The following TRAK2 variants were observed in gnomAD, a reference collection of about 807,000 sequenced individuals.
TRAK2 encodes the protein trafficking kinesin-binding protein 2.
A neutral mutation model predicts 104.6 loss-of-function variants in TRAK2; 81 were observed. The observed-to-expected ratio is 0.77, with a 90% CI of 0.65 to 0.93. The LOEUF is 0.93. TRAK2 is among the 40% of genes least tolerant of loss of function. The probability of loss-of-function intolerance (pLI) is 0.00; values close to 1 mark genes in which losing one functional copy is unlikely to be tolerated. For missense variants in TRAK2, 1,002 were observed against 1,089.0 expected, an observed-to-expected ratio of 0.92 and a Z score of 1.12; for synonymous variants, 406 against 394.4, an observed-to-expected ratio of 1.03 and a Z score of -0.35.
chr2:201,439,923 G>A (rs1247454650), intron 1 of TRAK2, among the ~76,000 whole-genome samples: 1 of 125,996 alleles, frequency 7.9e-6, no homozygotes, highest in Non-Finnish European at 1.6e-5. Flanking sequence ...ATCACACTCT[G>A]GGGACTGTTG....
rs751604627 is a variant in TRAK2 at position 201,380,917 on chromosome 2, G to A, written c.2371C>T (p.Pro791Ser). 3.7e-6 allele frequency: 6 copies of A among 1,614,160 alleles called. No homozygotes were observed. In the South Asian group the frequency reaches 6.6e-5, roughly 18 times the overall value. The change falls in exon 16 of 16, where the codon CCC (proline) becomes TCC (serine). Residue 791 changes from proline to serine, a missense_variant. Pro to Ser is a moderately conservative substitution (Grantham distance 74). Transcript: ENST00000332624. ...GAGAGATGCACTCGAGGCTCAAAGG[G>A]TAAAGGAGAAGGGCAAGGTGAGTGA... The part of the protein sequence containing the change: ...PSHSPCPSPL[P>S]FEPRVHLSEN...
intron 1 of TRAK2, among the ~76,000 whole-genome samples, chr2:201,446,206 A>G (rs923518955): frequency 6.6e-6 from 1 of 152,060 alleles, no homozygotes; most frequent in Non-Finnish European, 1.5e-5. Flanking sequence ...ATCTTCCCCA[A>G]CCACACAACA....
chr2:201,410,133 G>A (rs945893669), intron 2 of TRAK2, among the ~76,000 whole-genome samples: 40 of 152,012 alleles, frequency 2.6e-4, no homozygotes, highest in African/African-American at 8.9e-4. Flanking sequence ...CTGTCTCTAC[G>A]AGAAACACAC....
intron 1 of TRAK2, among the ~76,000 whole-genome samples, chr2:201,430,830 A>G (rs2125658872): frequency 6.6e-6 from 1 of 152,316 alleles, no homozygotes; most frequent in Admixed American, 6.5e-5. Flanking sequence ...GGCTGCACCC[A>G]CTGTCCAACA....
intron 10 of TRAK2, among the ~76,000 whole-genome samples, chr2:201,392,207 G>A (rs1249058418): frequency 6.6e-6 from 1 of 151,570 alleles, no homozygotes; most frequent in African/African-American, 2.4e-5. Flanking sequence ...TCGATGTGAG[G>A]GATATACAAA....
intron 14 of TRAK2, among the ~76,000 whole-genome samples, chr2:201,385,483 T>C (rs1300904907): frequency 6.6e-6 from 1 of 152,068 alleles, no homozygotes; most frequent in Admixed American, 6.6e-5. Flanking sequence ...GCCTGACCAA[T>C]GCATTTTAAT....
Position 201,386,230 on chromosome 2 carries a change from C to CACCTGCTG in TRAK2, c.1943_1950dup (p.Gly651GlnfsTer63), listed in dbSNP as rs777199208. 1 of 1,614,118 alleles carries CACCTGCTG rather than the reference C, an allele frequency of 6.2e-7. No individual in the cohort carries two copies. Among genetic ancestry groups the CACCTGCTG allele is most frequent in the South Asian group, 1.1e-5 (1 of 91,080 alleles). ...ACACTCTTCTCACCTGTAACTGGTCCACCTGCTGAAGTAATGGGTGGCAGG... is the reference window on the plus strand; with the variant it reads ...ACACTCTTCTCACCTGTAACTGGTCCACCTGCTGACCTGCTGAAGTAATGGGTGGCAGG... On this transcript the variant is annotated frameshift_variant, in exon 14 of 16. Transcript: ENST00000332624. LOFTEE classifies it high-confidence loss of function.
intron 14 of TRAK2, among the ~76,000 whole-genome samples, chr2:201,384,852 GA>G: frequency 6.6e-6 from 1 of 152,142 alleles, no homozygotes; most frequent in Non-Finnish European, 1.5e-5. Flanking sequence ...TCTGTGTGAT[GA>G]AAAATGGGAA....
chr2:201,380,940 T>A lies in TRAK2; in HGVS notation c.2348A>T (p.His783Leu). ...GGGTAAAGGAGAAGGGCAAGGTGAGTGAGATGGTGAATTTGGTGGTGTGGA... is the reference window on the plus strand; with the variant it reads ...GGGTAAAGGAGAAGGGCAAGGTGAGAGAGATGGTGAATTTGGTGGTGTGGA... ...IPSTPPNSPSHSPCPSPLPFE... is the reference protein window; with the variant it reads ...IPSTPPNSPSLSPCPSPLPFE... Residue 783 changes from histidine to leucine, a missense_variant, in exon 16 of 16, where the codon CAC becomes CTC. Coordinates refer to ENST00000332624, the MANE Select transcript of TRAK2 (RefSeq NM_015049.3). The A allele has an allele frequency of 6.2e-7, 1 of 1,613,334 alleles. No individual in the cohort carries two copies. Among genetic ancestry groups the A allele is most frequent in the Non-Finnish European group, 8.5e-7 (1 of 1,179,788 alleles).
chr2:201,385,422 C>T (rs992259193), intron 14 of TRAK2, among the ~76,000 whole-genome samples: 4 of 151,900 alleles, frequency 2.6e-5, no homozygotes, highest in Non-Finnish European at 4.4e-5. Context: ...GGTGACTGCC[C>T]ACCTCGATCT....
Position 201,437,498 on chromosome 2 carries a change from T to C in TRAK2, c.-200+13852A>G, listed in dbSNP as rs142323790. 1.8e-3 allele frequency among the ~76,000 whole-genome samples: 277 copies of C among 152,338 alleles called. 1 individual carries two copies. The highest frequency in any genetic ancestry group is 6.0e-3 in the African/African-American group (250 of 41,572). ...TCATTACCATAAATCCACCACATTCTAAACTGAACTCATTTTTCCTTCTCC... is the reference window on the plus strand; with the variant it reads ...TCATTACCATAAATCCACCACATTCCAAACTGAACTCATTTTTCCTTCTCC... On this transcript the variant is annotated intron_variant, in intron 1 of 15. Transcript: ENST00000332624.
intron 10 of TRAK2, among the ~76,000 whole-genome samples, chr2:201,390,957 TTA>T (rs1323338131): frequency 6.6e-6 from 1 of 151,706 alleles, no homozygotes. Context: ...TTATATATAT[TTA>T]TATATATATG....
intron 1 of TRAK2, among the ~76,000 whole-genome samples, chr2:201,434,748 G>A (rs1319734509): frequency 6.6e-6 from 1 of 152,136 alleles, no homozygotes; most frequent in Non-Finnish European, 1.5e-5. Context: ...TCTTTTGCTT[G>A]ATGTCCCAGA....
intron 1 of TRAK2, among the ~76,000 whole-genome samples, chr2:201,448,086 G>A (rs964083490): frequency 6.6e-6 from 1 of 152,144 alleles, no homozygotes; most frequent in Non-Finnish European, 1.5e-5. Flanking sequence ...CTTGAAGTAC[G>A]ACAAGCATGG....
chr2:201,412,746 A>G, intron 2 of TRAK2: 1 of 1,355,800 alleles, frequency 7.4e-7, no homozygotes, highest in Non-Finnish European at 1.1e-6. Context: ...TCCAGGCTCC[A>G]CTTTTATTCA....
At chr2:201,439,828 G>C (rs552708267) in intron 1 of TRAK2, among the ~76,000 whole-genome samples, 2 of 145,784 alleles carry the variant, frequency 1.4e-5, no homozygotes, top group African/African-American at 5.2e-5. Context: ...GTAAACTATC[G>C]CAAGGACAAA....
intron 1 of TRAK2, among the ~76,000 whole-genome samples, chr2:201,428,232 A>C (rs1951807731): frequency 6.6e-6 from 1 of 152,296 alleles, no homozygotes; most frequent in South Asian, 2.1e-4. Context: ...TTTAGACATG[A>C]AGTCCTTGCC....
chr2:201,395,484 T>C (rs748875228), intron 7 of TRAK2, 40 bp from the exon 8 acceptor site: 4 of 1,467,264 alleles, frequency 2.7e-6, no homozygotes, highest in Admixed American at 3.9e-5. Flanking sequence ...AATACAAATG[T>C]AGAGAAGGAG....
At chr2:201,443,208 A>G (rs1951938937) in intron 1 of TRAK2, among the ~76,000 whole-genome samples, 1 of 152,146 alleles carries the variant, frequency 6.6e-6, no homozygotes, top group Admixed American at 6.5e-5. Flanking sequence ...TTCATACCTC[A>G]ACCCCACTAC....
Sources: allele counts gnomAD v4.1 joint callset (sites outside exome capture counted in the v4.1 genomes callset), GRCh38; gene constraint gnomAD v4.1.1; transcripts MANE v1.5; gene names NCBI Gene and HGNC (gene_info 2026-07-23, HGNC 2026-07-21).